Variants in MINDY4 observed in about 807,000 individuals in gnomAD.
The protein encoded by MINDY4 is probable ubiquitin carboxyl-terminal hydrolase MINDY-4.
A neutral mutation model predicts 87.0 loss-of-function variants in MINDY4; 68 were observed. That is an observed-to-expected ratio of 0.78 (90% CI 0.64 to 0.96). The LOEUF (loss-of-function observed/expected upper bound fraction) is 0.96. MINDY4 is among the 40% of genes least tolerant of loss of function. MINDY4 has a pLI of 0.00. For synonymous variants in MINDY4, 379 were observed against 363.2 expected, an observed-to-expected ratio of 1.04 and a Z score of -0.50; for missense variants, 919 against 928.2, an observed-to-expected ratio of 0.99 and a Z score of 0.13.
intron 14 of MINDY4, 77 bp from the exon 15 acceptor site, chr7:30,875,418 C>G: frequency 2.6e-6 from 4 of 1,520,986 alleles, no homozygotes; most frequent in Non-Finnish European, 3.6e-6. Flanking sequence ...CCCTTTTTGT[C>G]TTTCCCCAGT....
chr7:30,805,240 G>A (rs935422307), intron 5 of MINDY4, among the ~76,000 whole-genome samples: 18 of 152,302 alleles, frequency 1.2e-4, no homozygotes, highest in African/African-American at 3.6e-4. Flanking sequence ...TCCAGAGGAC[G>A]AGGCAGTCAA....
intron 1 of MINDY4, among the ~76,000 whole-genome samples, chr7:30,775,921 T>G (rs868515146): frequency 3.9e-4 from 60 of 152,334 alleles, no homozygotes; most frequent in Middle Eastern, 6.8e-3. Context: ...GCCCAAAACT[T>G]TGGAATTATT....
chr7:30,818,211 CTT>C (rs747167023), intron 5 of MINDY4, among the ~76,000 whole-genome samples: 4 of 152,096 alleles, frequency 2.6e-5, no homozygotes, highest in Non-Finnish European at 5.9e-5. Context: ...TTTTAAATCT[CTT>C]GATATGAATT....
At chr7:30,837,204 C>T (rs1788883308) in intron 7 of MINDY4, among the ~76,000 whole-genome samples, 1 of 152,150 alleles carries the variant, frequency 6.6e-6, no homozygotes, top group South Asian at 2.1e-4. Context: ...CCCTTGGCCA[C>T]TTAAAGGGCC....
At chr7:30,841,585 T>G (rs1284282729) in intron 9 of MINDY4, among the ~76,000 whole-genome samples, 1 of 152,196 alleles carries the variant, frequency 6.6e-6, no homozygotes, top group Non-Finnish European at 1.5e-5. Flanking sequence ...GTTACCAGCT[T>G]GTACCGAGTC....
intron 5 of MINDY4, among the ~76,000 whole-genome samples, chr7:30,796,189 A>G (rs1257406578): frequency 1.3e-5 from 2 of 150,322 alleles, no homozygotes; most frequent in African/African-American, 4.9e-5. Context: ...CCTTCTGACC[A>G]CTCTCAAAAG....
At chr7:30,872,983 TG>T (rs1248842787) in intron 14 of MINDY4, among the ~76,000 whole-genome samples, 14 of 152,316 alleles carry the variant, frequency 9.2e-5, no homozygotes, top group Admixed American at 7.8e-4. Flanking sequence ...TCTCAGCACA[TG>T]GGGGGCCACA....
rs565595888 is a variant in MINDY4, at chr7:30,853,254, C to G, written c.1612-140C>G. 7.1e-6 allele frequency: 5 copies of G among 699,852 alleles called. No individual in the cohort carries two copies. In the East Asian group the frequency reaches 1.1e-4, roughly 15 times the overall value. 43.4% of individuals were successfully genotyped at this position (699,852 alleles called of 1,614,324 possible). A position where few individuals can be genotyped will look rare whatever the true frequency, so the allele number is the denominator to read the frequency against. Reference sequence around the variant, plus strand: ...GTATGGCCGTGCCTCTCAGCCCTGACTTGGAGATGCTGCTCTCTGACGCAG... The same window carrying G: ...GTATGGCCGTGCCTCTCAGCCCTGAGTTGGAGATGCTGCTCTCTGACGCAG... On this transcript the variant is annotated intron_variant, in intron 11 of 17. Coordinates refer to ENST00000265299, the MANE Select transcript of MINDY4 (RefSeq NM_032222.3).
At chr7:30,816,259 A>G (rs1471641080) in intron 5 of MINDY4, among the ~76,000 whole-genome samples, 2 of 150,944 alleles carry the variant, frequency 1.3e-5, no homozygotes, top group East Asian at 3.9e-4. Context: ...TTTGTTTTGC[A>G]AACTGTATGC....
At chr7:30,807,773 T>C (rs1274145547) in intron 5 of MINDY4, among the ~76,000 whole-genome samples, 1 of 152,170 alleles carries the variant, frequency 6.6e-6, no homozygotes, top group Non-Finnish European at 1.5e-5. Context: ...TAATTACCGG[T>C]GCATGCAGCC....
rs559364781 is a variant in MINDY4 at position 30,809,155 on chromosome 7, C to T, written c.1073+17581C>T. On this transcript the variant is annotated intron_variant, in intron 5 of 17. Transcript: ENST00000265299. ...GTGTTCTCCATAACCCTATAACACT[C>T]CAGTACCACTTTGTTGTCAGTGTAA... is the stretch of plus-strand genomic sequence containing the variant. Among the ~76,000 whole-genome samples, 23 of 152,208 alleles carry T rather than the reference C, an allele frequency of 1.5e-4. No individual in the cohort carries two copies. In the South Asian group the frequency reaches 2.9e-3, roughly 19 times the overall value.
At chr7:30,866,287 C>T (rs1417807460) in intron 13 of MINDY4, among the ~76,000 whole-genome samples, 4 of 152,228 alleles carry the variant, frequency 2.6e-5, no homozygotes, top group African/African-American at 7.2e-5. Flanking sequence ...AGAAAGAGGA[C>T]AGGCCTCAGA....
intron 12 of MINDY4, among the ~76,000 whole-genome samples, chr7:30,854,030 C>G (rs776958379): frequency 6.6e-6 from 1 of 152,146 alleles, no homozygotes; most frequent in African/African-American, 2.4e-5. Flanking sequence ...ATGAGCTGGG[C>G]GGGACGTGGC....
intron 5 of MINDY4, among the ~76,000 whole-genome samples, chr7:30,820,796 G>A (rs1430168262): frequency 3.3e-5 from 5 of 152,116 alleles, no homozygotes; most frequent in Non-Finnish European, 7.4e-5. Context: ...TAGTGCTGCC[G>A]TGAACATTTA....
intron 8 of MINDY4, among the ~76,000 whole-genome samples, chr7:30,839,541 CATGGATTT>C (rs1356443279): frequency 6.6e-6 from 1 of 152,192 alleles, no homozygotes; most frequent in Non-Finnish European, 1.5e-5. Context: ...TAAAATTGAA[CATGGATTT>C]AAGGAGCACT....
chr7:30,883,165 A>G (rs1790523718), intron 17 of MINDY4, among the ~76,000 whole-genome samples, 172 bp downstream of exon 17: 1 of 152,194 alleles, frequency 6.6e-6, no homozygotes, highest in South Asian at 2.1e-4. Flanking sequence ...ACTGGGGCCC[A>G]GGTTCAGGAG....
chr7:30,846,390 G>A (rs957155388), intron 9 of MINDY4, among the ~76,000 whole-genome samples: 8 of 152,338 alleles, frequency 5.3e-5, no homozygotes, highest in African/African-American at 1.9e-4. Flanking sequence ...ATTCCCTCAA[G>A]ATCATTTATT....
At chr7:30,864,500 T>C (rs1230159322) in intron 13 of MINDY4, among the ~76,000 whole-genome samples, 1 of 152,218 alleles carries the variant, frequency 6.6e-6, no homozygotes, top group Admixed American at 6.5e-5. Flanking sequence ...GGAATTGGTG[T>C]CTGTTCTTTT....
At chr7:30,798,611 CT>C (rs1787560436) in intron 5 of MINDY4, among the ~76,000 whole-genome samples, 1 of 152,188 alleles carries the variant, frequency 6.6e-6, no homozygotes, top group African/African-American at 2.4e-5. Flanking sequence ...ATTCTCCTGC[CT>C]CAGCCTCCCG....
Sources: gnomAD v4.1 joint callset for allele counts (sites outside exome capture counted in the v4.1 genomes callset) on GRCh38, gnomAD v4.1.1 for gene constraint, MANE v1.5 for transcripts, NCBI Gene and HGNC (gene_info 2026-07-23, HGNC 2026-07-21) for gene names.